Variants in DOCK4 observed in about 807,000 individuals in gnomAD.
DOCK4 encodes the protein dedicator of cytokinesis protein 4.
In DOCK4, 97 loss-of-function variants were observed where a neutral mutation model predicts 268.1. That is an observed-to-expected ratio of 0.36 (90% CI 0.31 to 0.43). The LOEUF (loss-of-function observed/expected upper bound fraction) is 0.43. Among genes scored for constraint, DOCK4 ranks in the 20% least tolerant of loss-of-function variants. DOCK4 has a pLI of 1.00. For synonymous variants in DOCK4, 954 were observed against 887.2 expected (o/e 1.08, Z -1.34); for missense variants, 2,145 against 2,455.7 (o/e 0.87, Z 2.67).
chr7:112,171,671 T>A (rs1353824998), intron 1 of DOCK4, among the ~76,000 whole-genome samples: 1 of 152,210 alleles, frequency 6.6e-6, no homozygotes, highest in African/African-American at 2.4e-5. Flanking sequence ...TGCTAAGGTG[T>A]TTTCTTCATA....
At chr7:111,753,107 G>GCAGT (rs891274419) in intron 42 of DOCK4, among the ~76,000 whole-genome samples, 6 of 151,362 alleles carry the variant, frequency 4.0e-5, no homozygotes, top group African/African-American at 9.7e-5. Flanking sequence ...TTTTAGAAAG[G>GCAGT]CAGTATAGGG....
intron 10 of DOCK4, among the ~76,000 whole-genome samples, chr7:111,943,566 G>T (rs982927843): frequency 6.6e-6 from 1 of 152,178 alleles, no homozygotes; most frequent in Admixed American, 6.5e-5. Flanking sequence ...CAGACTAAAT[G>T]ACAAACTACC....
At chr7:111,765,316 CTTTAT>C in intron 38 of DOCK4, 94 bp from the exon 39 acceptor site, 1 of 785,368 alleles carries the variant, frequency 1.3e-6, no homozygotes, top group Non-Finnish European at 2.0e-6. Context: ...TAAAGGAGAA[CTTTAT>C]TTTAATTGAG....
intron 1 of DOCK4, among the ~76,000 whole-genome samples, chr7:112,047,489 T>C (rs887218602): frequency 6.6e-6 from 1 of 152,118 alleles, no homozygotes; most frequent in Admixed American, 6.6e-5. Context: ...TATTCAAAAA[T>C]TTAATGGAGA....
At chr7:112,164,767 G>A (rs1817444361) in intron 1 of DOCK4, among the ~76,000 whole-genome samples, 1 of 152,218 alleles carries the variant, frequency 6.6e-6, no homozygotes, top group Admixed American at 6.5e-5. Context: ...CCATCCTGAA[G>A]TGGGTACTGT....
Position 111,863,491 on chromosome 7 carries a change from T to C in DOCK4, c.2354A>G (p.Asn785Ser), listed in dbSNP as rs752033968. Reference sequence around the variant, plus strand: ...ACTGCCCAGGGTGTCCTGGACCAAGTTGGCTACTTCCCGGACATCAAAGAG... The same window carrying C: ...ACTGCCCAGGGTGTCCTGGACCAAGCTGGCTACTTCCCGGACATCAAAGAG... ...LKLFDVREVANLVQDTLGSLP... is the reference protein window; with the variant it reads ...LKLFDVREVASLVQDTLGSLP... The change falls in exon 23 of 53, where the codon AAC becomes AGC. Residue 785 changes from asparagine to serine, a missense_variant. Asn to Ser is a conservative substitution (Grantham distance 46). This residue lies in a region of DOCK4 where 1,598 missense variants were observed against 1,986.7 expected (regional missense o/e 0.80). Coordinates refer to ENST00000428084, the MANE Select transcript of DOCK4 (RefSeq NM_001363540.2). The C allele has an allele frequency of 1.9e-6, 3 of 1,613,958 alleles. No individual in the cohort carries two copies. The highest frequency in any genetic ancestry group is 2.2e-5 in the South Asian group (2 of 91,060).
intron 1 of DOCK4, among the ~76,000 whole-genome samples, chr7:112,037,592 T>C (rs1236529008): frequency 6.6e-6 from 1 of 152,218 alleles, no homozygotes; most frequent in East Asian, 1.9e-4. Flanking sequence ...CTCAATATAA[T>C]GTGAAATATA....
Position 111,752,578 on chromosome 7 carries a change from GTTTTTTT to G in DOCK4, c.4416+2930_4416+2936del, listed in dbSNP as rs56037303. On this transcript the variant is annotated intron_variant, in intron 42 of 52. Coordinates refer to ENST00000428084, the MANE Select transcript of DOCK4 (RefSeq NM_001363540.2). ...ATTAAAAATTTTTTAATCAGCTTAGGTTTTTTTTTTTTTTTTTTTTTTTTTGAGACAG... is the reference window on the plus strand; with the variant it reads ...ATTAAAAATTTTTTAATCAGCTTAGGTTTTTTTTTTTTTTTTTTGAGACAG... Among the ~76,000 whole-genome samples, 13 of 82,212 alleles carry G rather than the reference GTTTTTTT, an allele frequency of 1.6e-4. No individual in the cohort carries two copies. In the East Asian group the frequency reaches 3.9e-3, roughly 24 times the overall value. The allele number at this position is 82,212 out of a possible 152,430, so 53.9% of individuals were successfully genotyped here.
intron 8 of DOCK4, among the ~76,000 whole-genome samples, chr7:111,970,397 TAG>T (rs1465196159): frequency 6.6e-6 from 1 of 152,152 alleles, no homozygotes; most frequent in African/African-American, 2.4e-5. Flanking sequence ...ATCCACTGTA[TAG>T]AGTGTTACAA....
In DOCK4 at chr7:112,119,621, C is replaced by A. The variant is rs573213679; in HGVS notation, c.37+86481G>T. Reference sequence around the variant, plus strand: ...ACAGCCCTTTCATAAGGAAACAGAACCGGGTGGTTATTAAGTCTGAGTTCT... The same window carrying A: ...ACAGCCCTTTCATAAGGAAACAGAAACGGGTGGTTATTAAGTCTGAGTTCT... On this transcript the variant is annotated intron_variant, in intron 1 of 52. Transcript: ENST00000428084. 3.5e-4 allele frequency among the ~76,000 whole-genome samples: 54 copies of A among 152,244 alleles called. 1 individual carries two copies. In the South Asian group the frequency reaches 7.9e-3, roughly 22 times the overall value.
rs146159551 is a variant in DOCK4, at chr7:111,842,389, A to T, written c.2736+2374T>A. On this transcript the variant is annotated intron_variant, in intron 25 of 52. Coordinates refer to ENST00000428084, the MANE Select transcript of DOCK4 (RefSeq NM_001363540.2). Reference sequence around the variant, plus strand: ...ACCTTATTTCTCCAGCCAAAGGACTAGGAAAGGGCAGCCCTGCAGGGCAAT... The same window carrying T: ...ACCTTATTTCTCCAGCCAAAGGACTTGGAAAGGGCAGCCCTGCAGGGCAAT... Among the ~76,000 whole-genome samples, 312 of 152,388 alleles carry T rather than the reference A, an allele frequency of 2.0e-3. 3 individuals carry two copies. The South Asian group carries it at 0.023, about 11-fold the overall frequency.
intron 1 of DOCK4, among the ~76,000 whole-genome samples, chr7:112,096,188 T>TC (rs1810118294): frequency 1.3e-5 from 2 of 151,930 alleles, no homozygotes; most frequent in African/African-American, 4.8e-5. Flanking sequence ...GGGCATTCTT[T>TC]TTTTTTAGAC....
At chr7:111,801,551 T>C (rs1294440316) in intron 30 of DOCK4, 1 of 152,238 alleles carries the variant, frequency 6.6e-6, no homozygotes, top group Admixed American at 6.5e-5. Flanking sequence ...GGAAGAAACA[T>C]GGCTCATAAA....
chr7:111,836,899 C>T lies in DOCK4; in HGVS notation c.2737-2213G>A, dbSNP rs140532608. On this transcript the variant is annotated intron_variant, in intron 25 of 52. Transcript: ENST00000428084. ...AAAGCATCAGTGAACTGGAGGACAA[C>T]TTCAAGTAGCAGAATATCTATGTAA... Among the ~76,000 whole-genome samples, 26 of 152,078 alleles carry T rather than the reference C, an allele frequency of 1.7e-4. No individual in the cohort carries two copies. In the East Asian group the frequency reaches 4.6e-3, roughly 27 times the overall value.
chr7:111,853,903 T>A (rs1333978865), intron 23 of DOCK4, among the ~76,000 whole-genome samples: 5 of 152,070 alleles, frequency 3.3e-5, no homozygotes, highest in African/African-American at 1.2e-4. Flanking sequence ...TACACATCAT[T>A]TATTCAGTAG....
At chr7:111,989,548 G>A (rs2135217674) in intron 5 of DOCK4, among the ~76,000 whole-genome samples, 1 of 152,168 alleles carries the variant, frequency 6.6e-6, no homozygotes, top group Non-Finnish European at 1.5e-5. Context: ...CTGTGCCATG[G>A]CTGCATGCAA....
intron 1 of DOCK4, among the ~76,000 whole-genome samples, chr7:112,162,305 G>C (rs898764953): frequency 6.6e-6 from 1 of 151,914 alleles, no homozygotes; most frequent in African/African-American, 2.4e-5. Context: ...CACTCTGCAG[G>C]GCCTGGGCTG....
intron 1 of DOCK4, among the ~76,000 whole-genome samples, chr7:112,181,551 G>A (rs937083242): frequency 2.1e-4 from 31 of 147,932 alleles, no homozygotes; most frequent in Admixed American, 3.5e-4. Context: ...GAGGCAGGAG[G>A]ACTGCTTGAG....
intron 1 of DOCK4, among the ~76,000 whole-genome samples, chr7:112,097,106 A>C (rs1563080554): frequency 6.6e-6 from 1 of 152,180 alleles, no homozygotes; most frequent in East Asian, 1.9e-4. Context: ...AGTTAATGGA[A>C]CCCAAATACC....
Sources: gnomAD v4.1 joint callset for allele counts (sites outside exome capture counted in the v4.1 genomes callset) on GRCh38, gnomAD v4.1.1 for gene constraint, gnomAD v4.1.1 regional missense constraint, MANE v1.5 for transcripts, NCBI Gene and HGNC (gene_info 2026-07-23, HGNC 2026-07-21) for gene names.